The following RAB11FIP4 variants were observed in gnomAD, a reference collection of about 807,000 sequenced individuals.
RAB11FIP4 encodes rab11 family-interacting protein 4.
Under a neutral mutation model 74.3 loss-of-function variants are expected in RAB11FIP4, and 23 were observed. The ratio of observed to expected loss-of-function variants is 0.31; its 90% CI spans 0.22 to 0.44. The LOEUF is 0.44. RAB11FIP4 is among the 20% of genes least tolerant of loss of function. The pLI, the probability that RAB11FIP4 is intolerant of heterozygous loss-of-function variation, is 1.00. For synonymous variants in RAB11FIP4, 360 were observed against 359.9 expected (o/e 1.00, Z 0.00); for missense variants, 630 against 863.9 (o/e 0.73, Z 3.39).
intron 3 of RAB11FIP4, among the ~76,000 whole-genome samples, chr17:31,491,992 G>T (rs947073615): frequency 6.6e-6 from 1 of 152,176 alleles, no homozygotes; most frequent in African/African-American, 2.4e-5. Flanking sequence ...CAAAGGGCAC[G>T]CCGGCGATGT....
intron 3 of RAB11FIP4, among the ~76,000 whole-genome samples, chr17:31,475,851 C>G (rs2071786787): frequency 6.8e-6 from 1 of 146,940 alleles, no homozygotes; most frequent in Admixed American, 6.9e-5. Flanking sequence ...CAAAGGCTGT[C>G]TAGTGTTCCT....
At chr17:31,426,599 CT>C (rs59839758) in intron 1 of RAB11FIP4, among the ~76,000 whole-genome samples, 33 of 122,014 alleles carry the variant, frequency 2.7e-4, no homozygotes, top group African/African-American at 3.2e-4. Context: ...TTTTCTTTTC[CT>C]TTTTTTTTTT....
In RAB11FIP4 at chr17:31,535,062, T is replaced by G. The variant is rs1409922112; in HGVS notation, c.*3330T>G. Reference sequence around the variant, plus strand: ...TATCCTAGATTATTTTATTTTAAATTGGTAGAATTCTTTGCGAACTGTCAC... The same window carrying G: ...TATCCTAGATTATTTTATTTTAAATGGGTAGAATTCTTTGCGAACTGTCAC... On this transcript the variant is annotated 3_prime_UTR_variant, in exon 15 of 15. Transcript: ENST00000621161. 5 of 152,562 alleles carry G rather than the reference T, an allele frequency of 3.3e-5. No homozygotes were observed. The highest frequency in any genetic ancestry group is 6.5e-5 in the Admixed American group (1 of 15,284). The allele number at this position is 152,562 out of a possible 1,614,324, so 9.5% of individuals were successfully genotyped here. A position where few individuals can be genotyped will look rare whatever the true frequency, so the allele number is the denominator to read the frequency against.
intron 13 of RAB11FIP4, among the ~76,000 whole-genome samples, chr17:31,529,969 G>T (rs577527880): frequency 2.0e-5 from 3 of 152,342 alleles, no homozygotes; most frequent in African/African-American, 4.8e-5. Flanking sequence ...TGGCCAGCCT[G>T]CCCAGAGAGC....
intron 13 of RAB11FIP4, among the ~76,000 whole-genome samples, chr17:31,530,079 G>A (rs1406783807): frequency 6.6e-6 from 1 of 152,214 alleles, no homozygotes; most frequent in African/African-American, 2.4e-5. Context: ...GCGCTGAGCA[G>A]GGCTGTAACT....
intron 9 of RAB11FIP4, chr17:31,524,232 CCT>C (rs1335477634): frequency 1.2e-5 from 6 of 500,848 alleles, no homozygotes; most frequent in African/African-American, 9.7e-5. Context: ...GATTCTACCC[CCT>C]GAGGTCTGAA....
At chr17:31,478,515 G>A (rs959677731) in intron 3 of RAB11FIP4, among the ~76,000 whole-genome samples, 3 of 152,152 alleles carry the variant, frequency 2.0e-5, no homozygotes, top group Non-Finnish European at 2.9e-5. Context: ...ATCTTCAAGA[G>A]GGAGTGAAGA....
At chr17:31,475,659 A>G (rs1421906021) in intron 3 of RAB11FIP4, among the ~76,000 whole-genome samples, 2 of 152,160 alleles carry the variant, frequency 1.3e-5, no homozygotes, top group East Asian at 3.8e-4. Context: ...ACGGTGGTGA[A>G]GATGTGAGTT....
chr17:31,437,906 G>A (rs2071374785), intron 3 of RAB11FIP4, among the ~76,000 whole-genome samples: 3 of 152,142 alleles, frequency 2.0e-5, no homozygotes, highest in Non-Finnish European at 4.4e-5. Context: ...GGATGCACCA[G>A]TTCCTGACCT....
chr17:31,520,579 C>T (rs1422217253), intron 4 of RAB11FIP4, among the ~76,000 whole-genome samples: 1 of 152,134 alleles, frequency 6.6e-6, no homozygotes, highest in Non-Finnish European at 1.5e-5. Flanking sequence ...ACAATCTCGG[C>T]TCACTGCAAG....
At chr17:31,475,071 C>T (rs2071778328) in intron 3 of RAB11FIP4, among the ~76,000 whole-genome samples, 1 of 152,022 alleles carries the variant, frequency 6.6e-6, no homozygotes, top group Non-Finnish European at 1.5e-5. Context: ...ATGGATGATT[C>T]AGAAGGGGAG....
Position 31,531,708 on chromosome 17 carries a change from C to G in RAB11FIP4, c.1890C>G (p.Pro630=), listed in dbSNP as rs1301859367. ...TCCTCGCCATCCTGGACCACAATCC[C>G]TCCATCCTCGAGATCAAACACTAAG... ...KIILAILDHN[P]SILEIKH The change falls in exon 15 of 15, where the codon CCC becomes CCG. Residue 630 remains proline (P), a synonymous_variant. Coordinates refer to ENST00000621161, the MANE Select transcript of RAB11FIP4 (RefSeq NM_032932.6). 3 of 1,613,754 alleles carry G rather than the reference C, an allele frequency of 1.9e-6. No homozygotes were observed. Among genetic ancestry groups the G allele is most frequent in the South Asian group, 1.1e-5 (1 of 91,074 alleles).
chr17:31,489,601 T>C (rs1312327965), intron 3 of RAB11FIP4, among the ~76,000 whole-genome samples: 3 of 152,190 alleles, frequency 2.0e-5, no homozygotes, highest in Non-Finnish European at 4.4e-5. Context: ...CACGGGACAC[T>C]TCCCTGCCTT....
intron 3 of RAB11FIP4, among the ~76,000 whole-genome samples, chr17:31,450,870 G>A (rs2071520834): frequency 6.7e-6 from 1 of 148,754 alleles, no homozygotes; most frequent in Non-Finnish European, 1.5e-5. Flanking sequence ...CGTCCCCTCA[G>A]CCCCAAGAAT....
At chr17:31,419,287 G>GTTT (rs61327359) in intron 1 of RAB11FIP4, among the ~76,000 whole-genome samples, 2 of 137,760 alleles carry the variant, frequency 1.5e-5, no homozygotes, top group African/African-American at 5.2e-5. Context: ...GAGTTTTTTT[G>GTTT]TTTTTTTTTT....
intron 3 of RAB11FIP4, among the ~76,000 whole-genome samples, chr17:31,466,000 G>A (rs1240967874): frequency 3.5e-5 from 4 of 113,486 alleles, no homozygotes; most frequent in Non-Finnish European, 4.0e-5. Context: ...AAAATCAGCC[G>A]GGTGTGGTAG....
chr17:31,446,872 T>G (rs1267015983), intron 3 of RAB11FIP4, among the ~76,000 whole-genome samples: 5 of 152,150 alleles, frequency 3.3e-5, no homozygotes, highest in Non-Finnish European at 7.3e-5. Context: ...AAACATATTT[T>G]GAAGATAAGA....
chr17:31,527,963 A>T (rs1467056605), intron 11 of RAB11FIP4, 40 bp downstream of exon 11: 1 of 1,479,680 alleles, frequency 6.8e-7, no homozygotes, highest in Non-Finnish European at 9.2e-7. Context: ...AGGGCTGGCC[A>T]TCGGGAGCCT....
chr17:31,424,638 C>T (rs749384070), intron 1 of RAB11FIP4, among the ~76,000 whole-genome samples: 4 of 149,068 alleles, frequency 2.7e-5, no homozygotes, highest in Non-Finnish European at 5.9e-5. Context: ...TAGAGTGGCA[C>T]GATCTCGGCT....
Sources: allele counts gnomAD v4.1 joint callset (sites outside exome capture counted in the v4.1 genomes callset), GRCh38; gene constraint gnomAD v4.1.1; transcripts MANE v1.5; gene names NCBI Gene and HGNC (gene_info 2026-07-23, HGNC 2026-07-21).